SORCS3: variants seen among roughly 807,000 people sequenced by gnomAD.
SORCS3 encodes the protein sortilin related VPS10 domain containing receptor 3, also known as VPS10 domain-containing receptor SorCS3.
SORCS3 carries 57 observed loss-of-function variants against 146.3 expected under a neutral mutation model. That is an observed-to-expected ratio of 0.39 (90% confidence interval 0.31 to 0.49). The LOEUF (loss-of-function observed/expected upper bound fraction) is 0.49. Among genes scored for constraint, SORCS3 ranks in the 20% least tolerant of loss-of-function variants. The pLI is 0.92. For synonymous variants in SORCS3, 653 were observed against 618.5 expected (o/e 1.06, Z -0.83); for missense variants, 1,341 against 1,575.5 (o/e 0.85, Z 2.52).
intron 1 of SORCS3, among the ~76,000 whole-genome samples, chr10:104,707,330 A>G (rs2016347709): frequency 6.6e-6 from 1 of 152,224 alleles, no homozygotes; most frequent in Non-Finnish European, 1.5e-5. Flanking sequence ...TAATATACAT[A>G]GTGTCAGCCA....
At chr10:104,943,112 T>C (rs1225633527) in intron 3 of SORCS3, among the ~76,000 whole-genome samples, 1 of 152,200 alleles carries the variant, frequency 6.6e-6, no homozygotes, top group African/African-American at 2.4e-5. Context: ...TTTTAGACAA[T>C]GCAACAGAAA....
At chr10:105,108,699 G>A (rs1039428085) in intron 7 of SORCS3, among the ~76,000 whole-genome samples, 48 of 152,118 alleles carry the variant, frequency 3.2e-4, no homozygotes, top group African/African-American at 1.1e-3. Context: ...AATGTGAAAG[G>A]CCAATAAACT....
At chr10:105,069,865 G>T (rs1375739781) in intron 5 of SORCS3, among the ~76,000 whole-genome samples, 1 of 152,094 alleles carries the variant, frequency 6.6e-6, no homozygotes, top group Non-Finnish European at 1.5e-5. Context: ...GCATACTCCT[G>T]GCAAGTTGGT....
rs1263733067 is a variant in SORCS3, at chr10:105,217,021, G to A, written c.2633G>A (p.Gly878Asp). The change falls in exon 19 of 27, where the codon GGC (glycine) becomes GAC (aspartate). Residue 878 changes from glycine to aspartate, a missense_variant. Transcript: ENST00000369701. ...SYANFSPIEDGIKHVYKSAGI... is the reference protein window; with the variant it reads ...SYANFSPIEDDIKHVYKSAGI... ...GCAAACTTCAGCCCCATCGAGGACGGCATCAAGCACGTGTATAAGAGTGCG... is the reference window on the plus strand; with the variant it reads ...GCAAACTTCAGCCCCATCGAGGACGACATCAAGCACGTGTATAAGAGTGCG... 3.1e-6 allele frequency: 5 copies of A among 1,614,016 alleles called. No homozygotes were observed. The highest frequency in any genetic ancestry group is 4.2e-6 in the Non-Finnish European group (5 of 1,180,026).
intron 5 of SORCS3, among the ~76,000 whole-genome samples, chr10:105,068,079 C>T (rs1040027063): frequency 6.6e-6 from 1 of 152,102 alleles, no homozygotes; most frequent in Non-Finnish European, 1.5e-5. Context: ...CGCAACATCT[C>T]TACCCTGATA....
At chr10:105,144,598 T>C (rs560460265) in intron 8 of SORCS3, among the ~76,000 whole-genome samples, 3 of 152,264 alleles carry the variant, frequency 2.0e-5, no homozygotes, top group Admixed American at 6.5e-5. Context: ...TTATTTATAA[T>C]TGCTTTCCAA....
rs941173914 is a variant in SORCS3, at chr10:104,783,648, A to G, written c.628-59144A>G. ...AGGCTGAGGTGGAAGAATTGCTTGAACCCAGGAGGTGGAGGTTGCAGTGAA... is the reference window on the plus strand; with the variant it reads ...AGGCTGAGGTGGAAGAATTGCTTGAGCCCAGGAGGTGGAGGTTGCAGTGAA... On this transcript the variant is annotated intron_variant, in intron 1 of 26. Coordinates refer to ENST00000369701, the MANE Select transcript of SORCS3 (RefSeq NM_014978.3). 2.0e-5 allele frequency among the ~76,000 whole-genome samples: 3 copies of G among 152,054 alleles called. No homozygotes were observed. The East Asian group carries it at 5.8e-4, about 29-fold the overall frequency.
In SORCS3 at chr10:104,641,447, A is replaced by C. The variant is rs1301159440; in HGVS notation, c.120A>C (p.Thr40=). ...GCGCCGAGATCACTTGGGACGCGAC[A>C]GGCGGTCCCGGACGCCCGGCGGCCC... ...LAGAEITWDA[T]GGPGRPAAPA... The change falls in exon 1 of 27, where the codon ACA becomes ACC. Residue 40 remains threonine, a synonymous_variant. Coordinates refer to ENST00000369701, the MANE Select transcript of SORCS3 (RefSeq NM_014978.3). The surrounding 1 kb of genome is among the most constrained non-coding windows in gnomAD (Gnocchi z 6.4). 1.4e-6 allele frequency: 2 copies of C among 1,470,144 alleles called. No individual in the cohort carries two copies. Among genetic ancestry groups the C allele is most frequent in the Non-Finnish European group, 1.8e-6 (2 of 1,117,860 alleles). The allele number at this position is 1,470,144 out of a possible 1,614,324, so 91.1% of individuals were successfully genotyped here.
rs1279428423 is a variant in SORCS3, at chr10:104,696,720, A to C, written c.627+54766A>C. Reference sequence around the variant, plus strand: ...TATTATATACGTATATATAATATATAACATATATAATATATAATATATATT... The same window carrying C: ...TATTATATACGTATATATAATATATCACATATATAATATATAATATATATT... On this transcript the variant is annotated intron_variant, in intron 1 of 26. Transcript: ENST00000369701. Among the ~76,000 whole-genome samples, 7 of 91,634 alleles carry C rather than the reference A, an allele frequency of 7.6e-5. No individual in the cohort carries two copies. In the East Asian group the frequency reaches 1.9e-3, roughly 25 times the overall value. The allele number at this position is 91,634 out of a possible 152,430, so 60.1% of individuals were successfully genotyped here.
chr10:105,079,285 C>T (rs2055608316), intron 5 of SORCS3, among the ~76,000 whole-genome samples: 1 of 152,156 alleles, frequency 6.6e-6, no homozygotes, highest in Non-Finnish European at 1.5e-5. Context: ...AGGGCCTATG[C>T]ATTTGTATTT....
At chr10:105,073,479 C>T (rs1050818584) in intron 5 of SORCS3, among the ~76,000 whole-genome samples, 7 of 152,172 alleles carry the variant, frequency 4.6e-5, no homozygotes, top group African/African-American at 1.7e-4. Context: ...GATGCCCTTG[C>T]TTGTTGCTGA....
intron 3 of SORCS3, among the ~76,000 whole-genome samples, chr10:104,940,238 A>ATATATATACATAT (rs1435205868): frequency 3.2e-5 from 1 of 31,506 alleles, no homozygotes; most frequent in Non-Finnish European, 6.1e-5. Context: ...ATATATATAT[A>ATATATATACATAT]TTTTTTTTTT....
chr10:104,873,710 T>C (rs79049570), intron 2 of SORCS3, among the ~76,000 whole-genome samples: 2,068 of 152,308 alleles, frequency 0.014, 46 homozygotes, highest in African/African-American at 0.047. Flanking sequence ...AATATGCAAC[T>C]AGCCCTTGGC....
intron 23 of SORCS3, among the ~76,000 whole-genome samples, chr10:105,253,202 CAG>C (rs34171763): frequency 7.3e-4 from 108 of 148,916 alleles, no homozygotes; most frequent in Admixed American, 7.3e-4. Context: ...AGGGGAGCAG[CAG>C]AGAGAGAGAG....
chr10:104,925,104 C>A (rs1379072914), intron 3 of SORCS3, among the ~76,000 whole-genome samples: 5 of 152,162 alleles, frequency 3.3e-5, no homozygotes, highest in Middle Eastern at 3.2e-3. Flanking sequence ...GTTCCCCTCC[C>A]TGTGTTCATG....
intron 2 of SORCS3, among the ~76,000 whole-genome samples, chr10:104,868,196 T>C (rs1169532508): frequency 6.6e-6 from 1 of 152,238 alleles, no homozygotes; most frequent in Admixed American, 6.5e-5. Context: ...GATAATGTCT[T>C]GGCTGCCATC....
chr10:104,653,417 C>T (rs2015586770), intron 1 of SORCS3, among the ~76,000 whole-genome samples: 1 of 152,050 alleles, frequency 6.6e-6, no homozygotes, highest in South Asian at 2.1e-4. Context: ...ATTTATTTTA[C>T]TCTTGGATTA....
At chr10:104,729,652 G>T (rs2016683681) in intron 1 of SORCS3, among the ~76,000 whole-genome samples, 1 of 152,218 alleles carries the variant, frequency 6.6e-6, no homozygotes, top group African/African-American at 2.4e-5. Context: ...GTGTGATAGG[G>T]AGGTTTGGCG....
intron 2 of SORCS3, among the ~76,000 whole-genome samples, chr10:104,899,494 C>T (rs1420102142): frequency 6.6e-6 from 1 of 152,194 alleles, no homozygotes; most frequent in Admixed American, 6.5e-5. Flanking sequence ...TCCAGTGCTT[C>T]ATATGCAAAC....
Sources: gnomAD v4.1 joint callset for allele counts (sites outside exome capture counted in the v4.1 genomes callset) on GRCh38, gnomAD v4.1.1 for gene constraint, Gnocchi (gnomAD v3.1) non-coding constraint, MANE v1.5 for transcripts, NCBI Gene and HGNC (gene_info 2026-07-23, HGNC 2026-07-21) for gene names.